The following MALRD1 variants were observed in gnomAD, a reference collection of about 807,000 sequenced individuals.
MALRD1 encodes MAM and LDL receptor class A domain containing 1.
MALRD1 carries 247 observed loss-of-function variants against 242.1 expected under a neutral mutation model. The ratio of observed to expected loss-of-function variants is 1.02; its 90% CI spans 0.92 to 1.13. The LOEUF (loss-of-function observed/expected upper bound fraction) is 1.13. MALRD1 is among the 50% of genes most tolerant of loss of function. MALRD1 has a pLI of 0.00. For missense variants in MALRD1, 2,989 were observed against 2,533.1 expected (o/e 1.18, Z -3.86); for synonymous variants, 995 against 866.6 (o/e 1.15, Z -2.60).
At chr10:19,549,048 G>T (rs1835370030) in intron 32 of MALRD1, among the ~76,000 whole-genome samples, 2 of 152,122 alleles carry the variant, frequency 1.3e-5, no homozygotes, top group Non-Finnish European at 1.5e-5. Flanking sequence ...ATATGGAGAA[G>T]GTTTAAATGG....
intron 31 of MALRD1, among the ~76,000 whole-genome samples, chr10:19,512,845 T>C (rs1473922624): frequency 1.3e-5 from 2 of 152,182 alleles, no homozygotes; most frequent in Non-Finnish European, 2.9e-5. Context: ...ATTTAAGTCA[T>C]TTTGAAATTT....
At chr10:19,167,505 G>T (rs1288294159) in intron 13 of MALRD1, among the ~76,000 whole-genome samples, 1 of 152,128 alleles carries the variant, frequency 6.6e-6, no homozygotes, top group African/African-American at 2.4e-5. Context: ...AAATATAGAG[G>T]TTAAACAGGT....
intron 36 of MALRD1, among the ~76,000 whole-genome samples, chr10:19,651,366 T>C (rs16919231): frequency 0.1 from 15,181 of 152,136 alleles, 1,913 homozygotes; most frequent in African/African-American, 0.29. Flanking sequence ...GATTGTTTCA[T>C]CCCTCAACTA....
intron 36 of MALRD1, among the ~76,000 whole-genome samples, chr10:19,687,687 A>G (rs1236556870): frequency 6.6e-6 from 1 of 152,208 alleles, no homozygotes; most frequent in Non-Finnish European, 1.5e-5. Context: ...CATTTGTTAT[A>G]CAAATCTTAC....
chr10:19,560,286 G>A (rs570534000), intron 32 of MALRD1, among the ~76,000 whole-genome samples: 10 of 152,222 alleles, frequency 6.6e-5, no homozygotes, highest in African/African-American at 2.2e-4. Context: ...GGCAAACATG[G>A]TGAAACACTG....
intron 26 of MALRD1, among the ~76,000 whole-genome samples, chr10:19,386,957 G>A (rs1050995883): frequency 6.6e-6 from 1 of 152,084 alleles, no homozygotes. Flanking sequence ...CAGAAAAATT[G>A]CTTCTAAAAG....
intron 38 of MALRD1, among the ~76,000 whole-genome samples, chr10:19,720,436 C>T (rs950089869): frequency 5.3e-5 from 8 of 152,152 alleles, no homozygotes; most frequent in Non-Finnish European, 7.4e-5. Flanking sequence ...TGCTTTATCT[C>T]CTGAGTTAGA....
At chr10:19,543,622 T>C (rs898631336) in intron 32 of MALRD1, among the ~76,000 whole-genome samples, 3 of 151,900 alleles carry the variant, frequency 2.0e-5, no homozygotes, top group African/African-American at 7.3e-5. Context: ...TGCTTGTGAT[T>C]GTCCCAACCA....
intron 10 of MALRD1, among the ~76,000 whole-genome samples, chr10:19,145,464 T>C (rs966101676): frequency 6.6e-6 from 1 of 151,966 alleles, no homozygotes; most frequent in Non-Finnish European, 1.5e-5. Flanking sequence ...GCCAACGTAG[T>C]GAAACACTGT....
At chr10:19,310,134 C>A (rs2131986703) in intron 21 of MALRD1, among the ~76,000 whole-genome samples, 1 of 151,526 alleles carries the variant, frequency 6.6e-6, no homozygotes, top group Middle Eastern at 3.4e-3. Context: ...GGAACCTTTA[C>A]TGAGTAAAGG....
chr10:19,682,591 T>G (rs1842417835), intron 36 of MALRD1, among the ~76,000 whole-genome samples: 1 of 152,206 alleles, frequency 6.6e-6, no homozygotes, highest in Non-Finnish European at 1.5e-5. Flanking sequence ...CAGAGCTAAT[T>G]AGATGTGGAA....
chr10:19,699,485 C>A (rs892111359), intron 38 of MALRD1, among the ~76,000 whole-genome samples: 1 of 152,040 alleles, frequency 6.6e-6, no homozygotes, highest in East Asian at 1.9e-4. Flanking sequence ...TGAGGTGATG[C>A]CCTTCCTGGA....
At chr10:19,169,907 G>A (rs1834850911) in intron 13 of MALRD1, among the ~76,000 whole-genome samples, 1 of 152,186 alleles carries the variant, frequency 6.6e-6, no homozygotes, top group Non-Finnish European at 1.5e-5. Flanking sequence ...ACAGTACAGT[G>A]TAATCCAGTC....
At position 19,209,269 on chromosome 10, in the gene MALRD1, AC is replaced by A; in HGVS notation, c.2582del (p.Pro861LeufsTer39). 6.6e-7 allele frequency: 1 copy of A among 1,513,772 alleles called. No homozygotes were observed. Among genetic ancestry groups the A allele is most frequent in the Non-Finnish European group, 8.8e-7 (1 of 1,132,852 alleles). The allele number at this position is 1,513,772 out of a possible 1,614,324, so 93.8% of individuals were successfully genotyped here. On this transcript the variant is annotated frameshift_variant and splice_region_variant, in exon 18 of 40. Transcript: ENST00000454679. LOFTEE classifies it high-confidence loss of function. ...GCTTTTATTTCATGTGAATTTCAGC[AC>A]CTGAGCTGCAGTGTAACTTTGAAAC... is the stretch of plus-strand genomic sequence containing the variant. The part of the protein sequence containing the change: ...GDRTDEVNCA[P>X]ELQCNFETGI...
chr10:19,628,762 A>C (rs983938748), intron 36 of MALRD1, among the ~76,000 whole-genome samples: 2 of 152,210 alleles, frequency 1.3e-5, no homozygotes, highest in Non-Finnish European at 2.9e-5. Context: ...CTAATTTTTC[A>C]GGTAAGAAAC....
At position 19,136,778 on chromosome 10, in the gene MALRD1, T is replaced by A; in HGVS notation, c.1408T>A (p.Cys470Ser). 8.1e-7 allele frequency: 1 copy of A among 1,231,460 alleles called. No individual in the cohort carries two copies. Among genetic ancestry groups the A allele is most frequent in the African/African-American group, 1.6e-5 (1 of 64,516 alleles). 76.3% of individuals were successfully genotyped at this position (1,231,460 alleles called of 1,614,324 possible). Residue 470 changes from cysteine (C) to serine (S), a missense_variant, in exon 10 of 40, where the codon TGC becomes AGC. Coordinates refer to ENST00000454679, the MANE Select transcript of MALRD1 (RefSeq NM_001142308.3). ...TGAGAGTGATGAAGACCCAGCAACT[T>A]GCTGTAAGTGAGTGAATGGCTTACT... is the stretch of plus-strand genomic sequence containing the variant. The part of the protein sequence containing the change: ...SDESDEDPAT[C>S]SKHLTCDFES...
At chr10:19,704,639 G>A (rs1415318206) in intron 38 of MALRD1, among the ~76,000 whole-genome samples, 1 of 152,168 alleles carries the variant, frequency 6.6e-6, no homozygotes, top group Non-Finnish European at 1.5e-5. Context: ...GTGATGTGGA[G>A]CAAGTCTCAT....
intron 5 of MALRD1, among the ~76,000 whole-genome samples, chr10:19,104,278 A>G (rs2131337199): frequency 6.6e-6 from 1 of 152,332 alleles, no homozygotes; most frequent in South Asian, 2.1e-4. Flanking sequence ...GATGCTGTAA[A>G]GAACTGAATG....
intron 12 of MALRD1, among the ~76,000 whole-genome samples, chr10:19,162,869 C>T (rs1026116232): frequency 9.2e-5 from 14 of 151,852 alleles, no homozygotes; most frequent in African/African-American, 1.4e-4. Flanking sequence ...CAGTGGCTCA[C>T]GCCTGTAATC....
Sources: allele counts gnomAD v4.1 joint callset (sites outside exome capture counted in the v4.1 genomes callset), GRCh38; gene constraint gnomAD v4.1.1; transcripts MANE v1.5; gene names NCBI Gene and HGNC (gene_info 2026-07-23, HGNC 2026-07-21).